The following FRMPD1 variants were observed in gnomAD, a reference collection of about 807,000 sequenced individuals.
FRMPD1 encodes the protein FERM and PDZ domain-containing protein 1.
FRMPD1 carries 76 observed loss-of-function variants against 117.8 expected under a neutral mutation model. That is an observed-to-expected ratio of 0.65 (90% confidence interval 0.54 to 0.78). The LOEUF (loss-of-function observed/expected upper bound fraction) is 0.78, where lower values mean the gene tolerates loss of function less well. FRMPD1 is among the 30% of genes least tolerant of loss of function. The pLI is 0.00. For missense variants in FRMPD1, 1,786 were observed against 1,964.5 expected, an observed-to-expected ratio of 0.91 and a Z score of 1.72; for synonymous variants, 783 against 770.4, an observed-to-expected ratio of 1.02 and a Z score of -0.27.
At chr9:37,676,614 G>T (rs186548858) in intron 1 of FRMPD1, among the ~76,000 whole-genome samples, 10 of 152,286 alleles carry the variant, frequency 6.6e-5, no homozygotes, top group African/African-American at 2.4e-4. Context: ...GGAGGGAGAA[G>T]AGGTTTCCGG....
the FRMPD1 span, chr9:37,637,038 C>T: frequency 2.6e-6 from 4 of 1,546,386 alleles, no homozygotes; most frequent in Non-Finnish European, 3.6e-6. Flanking sequence ...TCATATACCA[C>T]GAGGAAGCCA....
At chr9:37,628,069 A>G in the FRMPD1 span, among the ~76,000 whole-genome samples, 1 of 152,224 alleles carries the variant, frequency 6.6e-6, no homozygotes. Flanking sequence ...GGCAGACCCC[A>G]GTTACTAGTG....
rs1431470573 is a variant in FRMPD1, at chr9:37,655,961, A to G, written c.-5+4867A>G. On this transcript the variant is annotated intron_variant, in intron 1 of 15. Coordinates refer to ENST00000377765, the MANE Select transcript of FRMPD1 (RefSeq NM_014907.3). ...AGGAAGCTGTCTTCCAGATCCCCTC[A>G]TCCCAGGGATTTCACTGTTCCCTGA... Among the ~76,000 whole-genome samples the G allele has an allele frequency of 3.3e-5, 5 of 152,044 alleles. No individual in the cohort carries two copies. The East Asian group carries it at 9.6e-4, about 29-fold the overall frequency.
chr9:37,641,381 G>C, the FRMPD1 span, among the ~76,000 whole-genome samples: 1 of 152,188 alleles, frequency 6.6e-6, no homozygotes. Flanking sequence ...CAACACCCCA[G>C]AGCCTGTGCT....
At chr9:37,674,704 C>T (rs564258525) in intron 1 of FRMPD1, among the ~76,000 whole-genome samples, 2 of 152,270 alleles carry the variant, frequency 1.3e-5, no homozygotes, top group African/African-American at 2.4e-5. Context: ...TACCTGGTGG[C>T]GGCAAGAGCA....
At chr9:37,611,490 T>G in the FRMPD1 span, among the ~76,000 whole-genome samples, 114 of 152,294 alleles carry the variant, frequency 7.5e-4, no homozygotes, top group Admixed American at 5.9e-4. Flanking sequence ...GATTCTGATT[T>G]TCAGAGGGAA....
chr9:37,671,231 T>C (rs1345810971), intron 1 of FRMPD1, among the ~76,000 whole-genome samples: 1 of 152,230 alleles, frequency 6.6e-6, no homozygotes, highest in Non-Finnish European at 1.5e-5. Context: ...CTTACTTTGT[T>C]AAAGTGCCTA....
chr9:37,701,472 TGTGTGTGTGTGTGTGTGCGC>T (rs1339741993), intron 2 of FRMPD1, among the ~76,000 whole-genome samples: 2 of 115,212 alleles, frequency 1.7e-5, no homozygotes, highest in African/African-American at 2.8e-5. Flanking sequence ...TTGGGGAAAT[TGTGTGTGTGTGTGTGTGCGC>T]GCGTGTGTGT....
At chr9:37,629,764 T>C in the FRMPD1 span, among the ~76,000 whole-genome samples, 1 of 152,186 alleles carries the variant, frequency 6.6e-6, no homozygotes, top group African/African-American at 2.4e-5. Context: ...GTTTAGAGTA[T>C]TTAGAGTTCT....
intron 1 of FRMPD1, among the ~76,000 whole-genome samples, chr9:37,671,530 G>A (rs1489319078): frequency 6.6e-6 from 1 of 152,100 alleles, no homozygotes; most frequent in Non-Finnish European, 1.5e-5. Flanking sequence ...GCTCAATGTG[G>A]AACTTATATT....
chr9:37,670,444 T>C (rs1320672711), intron 1 of FRMPD1, among the ~76,000 whole-genome samples: 1 of 152,092 alleles, frequency 6.6e-6, no homozygotes, highest in East Asian at 1.9e-4. Flanking sequence ...TAGACGAAGC[T>C]TAAAAGGAGG....
At chr9:37,710,959 CAAAA>C (rs33962036) in intron 4 of FRMPD1, among the ~76,000 whole-genome samples, 9 of 106,942 alleles carry the variant, frequency 8.4e-5, no homozygotes, top group Admixed American at 9.5e-5. Context: ...CTCTGTCTCA[CAAAA>C]AAAAAAAAAA....
chr9:37,623,807 G>T, the FRMPD1 span, among the ~76,000 whole-genome samples: 1 of 152,122 alleles, frequency 6.6e-6, no homozygotes, highest in Non-Finnish European at 1.5e-5. Flanking sequence ...TCAGGCCAGG[G>T]ATAAACAAGG....
At chr9:37,671,076 T>C (rs1470022436) in intron 1 of FRMPD1, among the ~76,000 whole-genome samples, 1 of 152,248 alleles carries the variant, frequency 6.6e-6, no homozygotes, top group Non-Finnish European at 1.5e-5. Context: ...TGTGTTCATA[T>C]TCATTTTATC....
intron 2 of FRMPD1, among the ~76,000 whole-genome samples, chr9:37,693,557 G>A (rs1244563107): frequency 6.6e-6 from 1 of 152,188 alleles, no homozygotes; most frequent in Non-Finnish European, 1.5e-5. Flanking sequence ...CCCTTTTACA[G>A]ATGAAACACC....
chr9:37,615,861 G>A, the FRMPD1 span, among the ~76,000 whole-genome samples: 13 of 151,698 alleles, frequency 8.6e-5, no homozygotes, highest in East Asian at 2.3e-3. Flanking sequence ...CACCCAGGCT[G>A]GAGTGTAATG....
At chr9:37,622,231 C>T in the FRMPD1 span, among the ~76,000 whole-genome samples, 63 of 152,268 alleles carry the variant, frequency 4.1e-4, no homozygotes, top group African/African-American at 1.4e-3. Context: ...GCTTATTTTG[C>T]CTGAGACGGT....
At chr9:37,732,586 A>C in intron 10 of FRMPD1, 146 bp downstream of exon 10, 2 of 784,512 alleles carry the variant, frequency 2.5e-6, no homozygotes, top group East Asian at 2.9e-5. Context: ...ACCCTCTCTA[A>C]TCTGACCTGG....
chr9:37,738,902 A>G (rs1824254363), intron 14 of FRMPD1, among the ~76,000 whole-genome samples: 1 of 152,192 alleles, frequency 6.6e-6, no homozygotes, highest in African/African-American at 2.4e-5. Flanking sequence ...GGAAAAGGCC[A>G]TGACCTGAAA....
Sources: allele counts gnomAD v4.1 joint callset (sites outside exome capture counted in the v4.1 genomes callset), GRCh38; gene constraint gnomAD v4.1.1; transcripts MANE v1.5; gene names NCBI Gene and HGNC (gene_info 2026-07-23, HGNC 2026-07-21).